Variants in BCAS3 observed in about 807,000 individuals in gnomAD.
The protein encoded by BCAS3 is BCAS4/BCAS3 fusion.
A neutral mutation model predicts 116.1 loss-of-function variants in BCAS3; 53 were observed. The observed-to-expected ratio is 0.46, with a 90% CI of 0.37 to 0.57. The LOEUF (loss-of-function observed/expected upper bound fraction) is 0.57. Ranked by LOEUF, BCAS3 falls within the 20% of genes least tolerant of loss-of-function variation. BCAS3 has a pLI of 0.00. For synonymous variants in BCAS3, 391 were observed against 408.2 expected, an observed-to-expected ratio of 0.96 and a Z score of 0.51; for missense variants, 917 against 1,165.4, an observed-to-expected ratio of 0.79 and a Z score of 3.10.
In BCAS3 at chr17:61,362,710, G is replaced by T. The variant is rs976957853; in HGVS notation, c.2426-5617G>T. The stretch of plus-strand genomic sequence containing the variant: ...AGTATAACACAGGATGCCAAGCTGG[G>T]AAGCAGGATTCGGGACACTCACCTG... On this transcript the variant is annotated intron_variant, in intron 22 of 23. Coordinates refer to ENST00000407086, the MANE Select transcript of BCAS3 (RefSeq NM_017679.5). This position sits in a 1 kb window ranked among gnomAD's most constrained non-coding sequence, Gnocchi z 4.4. 1 of 152,236 alleles carries T rather than the reference G, an allele frequency of 6.6e-6. No homozygotes were observed. Among genetic ancestry groups the T allele is most frequent in the African/African-American group, 2.4e-5 (1 of 41,460 alleles). The allele number at this position is 152,236 out of a possible 1,614,324, so 9.4% of individuals were successfully genotyped here.
At chr17:60,749,717 C>T (rs1446423248) in intron 6 of BCAS3, among the ~76,000 whole-genome samples, 1 of 151,830 alleles carries the variant, frequency 6.6e-6, no homozygotes, top group African/African-American at 2.4e-5. Context: ...TATCTAATAC[C>T]CTCCTCCCTT....
intron 4 of BCAS3, among the ~76,000 whole-genome samples, chr17:60,700,173 C>CAAAAAAAAAAAAAAAAAAAA (rs531616609): frequency 8.2e-6 from 1 of 121,596 alleles, no homozygotes; most frequent in African/African-American, 4.4e-5. Flanking sequence ...GACCCTGTCT[C>CAAAAAAAAAAAAAAAAAAAA]AAAAAAAAAA....
chr17:60,799,111 C>T (rs958491067), intron 6 of BCAS3, among the ~76,000 whole-genome samples: 1 of 152,144 alleles, frequency 6.6e-6, no homozygotes, highest in Non-Finnish European at 1.5e-5. Context: ...CTTGTCTTCT[C>T]ATTCTTTTTA....
chr17:61,373,237 C>T (rs1050994071), intron 23 of BCAS3, among the ~76,000 whole-genome samples: 10 of 151,576 alleles, frequency 6.6e-5, no homozygotes, highest in African/African-American at 2.4e-4. Flanking sequence ...CTCAGATACC[C>T]ACCACCATGC....
intron 8 of BCAS3, among the ~76,000 whole-genome samples, chr17:60,871,587 TTTTTTTTGGTTTGTTTTTG>T (rs1398291859): frequency 6.6e-6 from 1 of 151,386 alleles, no homozygotes; most frequent in Non-Finnish European, 1.5e-5. Context: ...TTTGCCAGGG[TTTTTTTTGGTTTGTTTTTG>T]TTTTTTTTTT....
chr17:60,685,558 A>G (rs1175053415), intron 3 of BCAS3, among the ~76,000 whole-genome samples: 1 of 152,144 alleles, frequency 6.6e-6, no homozygotes, highest in East Asian at 1.9e-4. Flanking sequence ...CTTTCTAAAC[A>G]TCAGTATCCT....
At chr17:60,745,654 G>A (rs557458564) in intron 5 of BCAS3, among the ~76,000 whole-genome samples, 1 of 152,076 alleles carries the variant, frequency 6.6e-6, no homozygotes. Context: ...AAAGGAATTT[G>A]TAGAGTAAAT....
chr17:60,751,107 T>A (rs888899694), intron 6 of BCAS3, among the ~76,000 whole-genome samples: 5 of 152,176 alleles, frequency 3.3e-5, no homozygotes, highest in Admixed American at 2.6e-4. Flanking sequence ...TAACTAAAAG[T>A]GAGAAACTGA....
At position 61,145,901 on chromosome 17, in the gene BCAS3, T is replaced by A. The variant is rs74570094; in HGVS notation, c.2425+61337T>A. ...CTCACAAATTTCAACCCAGGCCACT[T>A]GTTTGCAGAGACTGCCAAACCTTCC... On this transcript the variant is annotated intron_variant, in intron 22 of 23. Transcript: ENST00000407086. This position sits in a 1 kb window ranked among gnomAD's most constrained non-coding sequence, Gnocchi z 5.0. Among the ~76,000 whole-genome samples, 15 of 152,204 alleles carry A rather than the reference T, an allele frequency of 9.9e-5. No individual in the cohort carries two copies. The East Asian group carries it at 2.1e-3, about 22-fold the overall frequency.
Position 61,077,900 on chromosome 17 carries a change from T to C in BCAS3, c.2131-433T>C, listed in dbSNP as rs530581483. Among the ~76,000 whole-genome samples, 10 of 152,288 alleles carry C rather than the reference T, an allele frequency of 6.6e-5. No homozygotes were observed. The highest frequency in any genetic ancestry group is 1.2e-4 in the Non-Finnish European group (8 of 68,008). On this transcript the variant is annotated intron_variant, in intron 20 of 23. Transcript: ENST00000407086. This position sits in a 1 kb window ranked among gnomAD's most constrained non-coding sequence, Gnocchi z 4.3. Reference sequence around the variant, plus strand: ...ATAAGCTTGATCCTCAGTGAAGGAATTGCTTTTAATCTGTGGATTAATAGG... The same window carrying C: ...ATAAGCTTGATCCTCAGTGAAGGAACTGCTTTTAATCTGTGGATTAATAGG...
At chr17:60,792,109 C>CCCAAAA (rs1257193815) in intron 6 of BCAS3, among the ~76,000 whole-genome samples, 2 of 152,166 alleles carry the variant, frequency 1.3e-5, no homozygotes, top group African/African-American at 4.8e-5. Context: ...GGCGACGGAG[C>CCCAAAA]TAGACTCCAT....
At chr17:60,744,328 C>T (rs903012527) in intron 5 of BCAS3, among the ~76,000 whole-genome samples, 30 of 152,178 alleles carry the variant, frequency 2.0e-4, no homozygotes, top group African/African-American at 6.8e-4. Flanking sequence ...TCACTCTTGA[C>T]AGCCTTATAA....
In BCAS3 at chr17:60,937,458, G is replaced by A. The variant is rs377400471; in HGVS notation, c.1088-9761G>A. Among the ~76,000 whole-genome samples the A allele has an allele frequency of 5.3e-5, 8 of 151,916 alleles. No individual in the cohort carries two copies. The East Asian group carries it at 5.8e-4, about 11-fold the overall frequency. Reference sequence around the variant, plus strand: ...TGTCTGTCTTCATTTTTATTGAATTGTAACTTACGTAATATAAGTTGCACC... The same window carrying A: ...TGTCTGTCTTCATTTTTATTGAATTATAACTTACGTAATATAAGTTGCACC... On this transcript the variant is annotated intron_variant, in intron 13 of 23. Transcript: ENST00000407086.
chr17:60,880,396 C>G (rs1043011914), intron 9 of BCAS3, among the ~76,000 whole-genome samples: 2 of 152,244 alleles, frequency 1.3e-5, no homozygotes, highest in Admixed American at 1.3e-4. Flanking sequence ...TCAAGTGATT[C>G]TCCTGCCTCA....
intron 6 of BCAS3, among the ~76,000 whole-genome samples, chr17:60,765,379 A>G (rs928617287): frequency 5.3e-5 from 8 of 152,176 alleles, no homozygotes; most frequent in Admixed American, 2.0e-4. Context: ...CTTGTAAGGC[A>G]GGCCTGGTGG....
intron 14 of BCAS3, among the ~76,000 whole-genome samples, chr17:60,984,760 A>G (rs2063022640): frequency 6.6e-6 from 1 of 152,138 alleles, no homozygotes; most frequent in Non-Finnish European, 1.5e-5. Flanking sequence ...CTGTAATCCC[A>G]GCATTTTGGG....
At chr17:61,067,791 AT>A (rs1265170401) in intron 19 of BCAS3, among the ~76,000 whole-genome samples, 14 of 151,044 alleles carry the variant, frequency 9.3e-5, no homozygotes, top group African/African-American at 2.9e-4. Flanking sequence ...AAGCCCATAT[AT>A]TCCTATAAGA....
intron 22 of BCAS3, among the ~76,000 whole-genome samples, chr17:61,238,143 C>T (rs1200701639): frequency 1.3e-5 from 2 of 152,044 alleles, no homozygotes; most frequent in African/African-American, 4.8e-5. Context: ...AACTCCACCT[C>T]CTGGGTTCAA....
At chr17:60,872,633 TACAC>T (rs1389958679) in intron 8 of BCAS3, among the ~76,000 whole-genome samples, 5 of 151,022 alleles carry the variant, frequency 3.3e-5, no homozygotes, top group Middle Eastern at 3.4e-3. Flanking sequence ...TATACACACA[TACAC>T]ACACACCCCG....
Sources: gnomAD v4.1 joint callset for allele counts (sites outside exome capture counted in the v4.1 genomes callset) on GRCh38, gnomAD v4.1.1 for gene constraint, Gnocchi (gnomAD v3.1) non-coding constraint, MANE v1.5 for transcripts, NCBI Gene and HGNC (gene_info 2026-07-23, HGNC 2026-07-21) for gene names.